Variants in TYR observed in about 807,000 individuals in gnomAD.
TYR encodes the protein tyrosinase.
TYR carries 58 observed loss-of-function variants against 51.5 expected under a neutral mutation model. That is an observed-to-expected ratio of 1.13 (90% CI 0.91 to 1.40). TYR has a LOEUF of 1.40. Ranked by LOEUF, TYR falls within the 40% of genes most tolerant of loss-of-function variation. The probability of loss-of-function intolerance (pLI) is 0.00; values close to 1 mark genes in which losing one functional copy is unlikely to be tolerated. For missense variants in TYR, 732 were observed against 647.4 expected (o/e 1.13, Z -1.42); for synonymous variants, 263 against 235.2 (o/e 1.12, Z -1.08).
At position 89,202,483 on chromosome 11, in the gene TYR, A is replaced by G. The variant is rs1457792387; in HGVS notation, c.1036+11065A>G. 2.0e-5 allele frequency among the ~76,000 whole-genome samples: 3 copies of G among 152,160 alleles called. No individual in the cohort carries two copies. In the East Asian group the frequency reaches 5.8e-4, roughly 29 times the overall value. On this transcript the variant is annotated intron_variant, in intron 2 of 4. Coordinates refer to ENST00000263321, the MANE Select transcript of TYR (RefSeq NM_000372.5). Reference sequence around the variant, plus strand: ...AACGTGATCTAATTGGCTATTACAAATTATCTGGCACATATATTGATTCCA... The same window carrying G: ...AACGTGATCTAATTGGCTATTACAAGTTATCTGGCACATATATTGATTCCA...
chr11:89,254,601 T>G (rs1337006624), intron 3 of TYR, among the ~76,000 whole-genome samples: 1 of 151,874 alleles, frequency 6.6e-6, no homozygotes, highest in South Asian at 2.1e-4. Context: ...GTTTTCTAAT[T>G]TATGTGCATA....
At chr11:89,194,448 A>G (rs1343902243) in intron 2 of TYR, among the ~76,000 whole-genome samples, 1 of 152,142 alleles carries the variant, frequency 6.6e-6, no homozygotes, top group Non-Finnish European at 1.5e-5. Context: ...TTCCCACTGT[A>G]TAATTATTTC....
At chr11:89,231,170 C>CAAAA (rs1156577257) in intron 3 of TYR, among the ~76,000 whole-genome samples, 7 of 65,498 alleles carry the variant, frequency 1.1e-4, no homozygotes, top group African/African-American at 2.9e-4. Flanking sequence ...GACTTCGTCT[C>CAAAA]AAAAAAAAAA....
At chr11:89,208,722 C>T (rs886890227) in intron 2 of TYR, among the ~76,000 whole-genome samples, 1 of 152,112 alleles carries the variant, frequency 6.6e-6, no homozygotes, top group Non-Finnish European at 1.5e-5. Context: ...ACCCAAATCC[C>T]TAATTTTGTA....
At chr11:89,186,642 C>T (rs1347289752) in intron 1 of TYR, among the ~76,000 whole-genome samples, 1 of 152,152 alleles carries the variant, frequency 6.6e-6, no homozygotes, top group Non-Finnish European at 1.5e-5. Flanking sequence ...CAGAGGCCTT[C>T]TCTACCGAGG....
chr11:89,197,415 T>C (rs192963831), intron 2 of TYR, among the ~76,000 whole-genome samples: 1 of 152,302 alleles, frequency 6.6e-6, no homozygotes, highest in East Asian at 1.9e-4. Context: ...ATAAATTCAT[T>C]CGTAATACAT....
At chr11:89,191,924 T>A (rs572082921) in intron 2 of TYR, 1 of 371,360 alleles carries the variant, frequency 2.7e-6, no homozygotes, top group East Asian at 8.2e-5. Context: ...CAGAACATTT[T>A]GTATTGTGGA....
rs1437889928 is a variant in TYR at position 89,284,912 on chromosome 11, T to A, written c.1324T>A (p.Ser442Thr). ...LYRNGDFFISSKDLGYDYSYL... is the reference protein window; with the variant it reads ...LYRNGDFFISTKDLGYDYSYL... Reference sequence around the variant, plus strand: ...CAGAAATGGTGATTTCTTTATTTCATCCAAAGATCTGGGCTATGACTATAG... The same window carrying A: ...CAGAAATGGTGATTTCTTTATTTCAACCAAAGATCTGGGCTATGACTATAG... Residue 442 changes from serine to threonine, a missense_variant, in exon 4 of 5, where the codon TCC becomes ACC. By Grantham distance (58) the Ser-to-Thr change is moderately conservative. Coordinates refer to ENST00000263321, the MANE Select transcript of TYR (RefSeq NM_000372.5). 1 of 1,611,746 alleles carries A rather than the reference T, an allele frequency of 6.2e-7. No homozygotes were observed. The highest frequency in any genetic ancestry group is 2.2e-5 in the East Asian group (1 of 44,794).
chr11:89,287,339 G>T (rs1944801095), intron 4 of TYR, among the ~76,000 whole-genome samples: 1 of 151,668 alleles, frequency 6.6e-6, no homozygotes, highest in Non-Finnish European at 1.5e-5. Context: ...GTCACTTTTG[G>T]ATATATATTT....
intron 3 of TYR, among the ~76,000 whole-genome samples, chr11:89,250,626 G>C (rs572635727): frequency 6.6e-6 from 1 of 151,892 alleles, no homozygotes; most frequent in African/African-American, 2.4e-5. Context: ...TTCTTCTAAG[G>C]CCTCTCTCTT....
chr11:89,272,160 G>A (rs1236632103), intron 3 of TYR, among the ~76,000 whole-genome samples: 1 of 151,822 alleles, frequency 6.6e-6, no homozygotes, highest in African/African-American at 2.4e-5. Context: ...CCTTCCAAAA[G>A]GTTTTCTATT....
rs184907382 is a variant in TYR at position 89,210,347 on chromosome 11, A to G, written c.1037-17476A>G. ...TATGCAAGCTTCAATAGCAGATTCA[A>G]TCAAGAGGAAGAAAGGATTGAAGAT... On this transcript the variant is annotated intron_variant, in intron 2 of 4. Coordinates refer to ENST00000263321, the MANE Select transcript of TYR (RefSeq NM_000372.5). Among the ~76,000 whole-genome samples the G allele has an allele frequency of 5.7e-4, 70 of 123,314 alleles. 1 individual carries two copies. In the East Asian group the frequency reaches 0.012, roughly 21 times the overall value. The allele number at this position is 123,314 out of a possible 152,430, so 80.9% of individuals were successfully genotyped here.
In TYR at chr11:89,191,219, G is replaced by A; in HGVS notation, c.837G>A (p.Leu279=). Residue 279 remains leucine, a synonymous_variant, in exon 2 of 5, where the codon TTG becomes TTA. Transcript: ENST00000263321. The part of the protein sequence containing the change: ...FSSWQIVCSR[L]EEYNSHQSLC... Reference sequence around the variant, plus strand: ...TTGTACAGATTGTCTGTAGCCGATTGGAGGAGTACAACAGCCATCAGTCTT... The same window carrying A: ...TTGTACAGATTGTCTGTAGCCGATTAGAGGAGTACAACAGCCATCAGTCTT... 6.2e-7 allele frequency: 1 copy of A among 1,613,460 alleles called. No homozygotes were observed. The highest frequency in any genetic ancestry group is 8.5e-7 in the Non-Finnish European group (1 of 1,179,646).
chr11:89,209,956 T>A (rs539381824), intron 2 of TYR, among the ~76,000 whole-genome samples: 3 of 152,246 alleles, frequency 2.0e-5, no homozygotes, highest in African/African-American at 7.2e-5. Context: ...CAAAACCCCA[T>A]TTTTAGGTCA....
chr11:89,217,379 C>T (rs1943845020), intron 2 of TYR, among the ~76,000 whole-genome samples: 1 of 152,164 alleles, frequency 6.6e-6, no homozygotes, highest in African/African-American at 2.4e-5. Context: ...GAATGACCTT[C>T]CCTATGGCTA....
At chr11:89,234,494 A>G (rs141174976) in intron 3 of TYR, among the ~76,000 whole-genome samples, 1 of 143,870 alleles carries the variant, frequency 7.0e-6, no homozygotes, top group East Asian at 2.0e-4. Context: ...CTTTCAGCCT[A>G]CGTGAGCTTT....
At chr11:89,218,881 T>C (rs1943870774) in intron 2 of TYR, among the ~76,000 whole-genome samples, 1 of 152,170 alleles carries the variant, frequency 6.6e-6, no homozygotes, top group South Asian at 2.1e-4. Context: ...AGCCAAGTTT[T>C]AGATGCAGCT....
At chr11:89,179,665 C>T (rs972520531) in intron 1 of TYR, among the ~76,000 whole-genome samples, 1 of 152,122 alleles carries the variant, frequency 6.6e-6, no homozygotes, top group Non-Finnish European at 1.5e-5. Flanking sequence ...TTCATTCTGT[C>T]TCACTTTTTC....
chr11:89,196,634 T>C (rs1051382178), intron 2 of TYR, among the ~76,000 whole-genome samples: 3 of 152,202 alleles, frequency 2.0e-5, no homozygotes, highest in Non-Finnish European at 4.4e-5. Flanking sequence ...AAGTCAATCT[T>C]GGTTGATCAT....
Sources: allele counts gnomAD v4.1 joint callset (sites outside exome capture counted in the v4.1 genomes callset), GRCh38; gene constraint gnomAD v4.1.1; transcripts MANE v1.5; gene names NCBI Gene and HGNC (gene_info 2026-07-23, HGNC 2026-07-21).